DHRS7C: variants seen among roughly 807,000 people sequenced by gnomAD.
DHRS7C encodes the protein dehydrogenase/reductase 7C, also known as dehydrogenase/reductase SDR family member 7C.
DHRS7C carries 28 observed loss-of-function variants against 29.6 expected under a neutral mutation model. The observed-to-expected ratio is 0.95, with a 90% CI of 0.70 to 1.30. The LOEUF (loss-of-function observed/expected upper bound fraction) is 1.30, where lower values mean the gene tolerates loss of function less well. DHRS7C is among the 50% of genes most tolerant of loss of function. The pLI is 0.00. For missense variants in DHRS7C, 403 were observed against 393.3 expected (o/e 1.02, Z -0.21); for synonymous variants, 158 against 160.2 (o/e 0.99, Z 0.10).
At chr17:9,790,673 C>T (rs143871298) in intron 1 of DHRS7C, among the ~76,000 whole-genome samples, 4 of 152,300 alleles carry the variant, frequency 2.6e-5, no homozygotes, top group African/African-American at 9.6e-5. Flanking sequence ...CTCACAATGG[C>T]AGCATGAGGT....
intron 3 of DHRS7C, 23 bp downstream of exon 3, chr17:9,779,802 T>A (rs922807499): frequency 6.2e-7 from 1 of 1,600,770 alleles, no homozygotes. Flanking sequence ...CAGATACCCA[T>A]GGGAAAGTCA....
chr17:9,787,187 C>A (rs910651928), intron 1 of DHRS7C, among the ~76,000 whole-genome samples: 1 of 152,214 alleles, frequency 6.6e-6, no homozygotes, highest in East Asian at 1.9e-4. Flanking sequence ...CTCAGGTCAT[C>A]CCCCTGCTTC....
chr17:9,788,651 C>G (rs1324218417), intron 1 of DHRS7C, among the ~76,000 whole-genome samples: 1 of 152,190 alleles, frequency 6.6e-6, no homozygotes, highest in Non-Finnish European at 1.5e-5. Flanking sequence ...CTTGGTGTGG[C>G]AATCCCTGCT....
chr17:9,788,984 G>A (rs1057452136), intron 1 of DHRS7C, among the ~76,000 whole-genome samples: 5 of 152,178 alleles, frequency 3.3e-5, no homozygotes, highest in African/African-American at 7.2e-5. Context: ...TGCAAAGGCT[G>A]TTTCCCTCAT....
chr17:9,786,693 G>T (rs568756873), intron 1 of DHRS7C, among the ~76,000 whole-genome samples: 1 of 152,282 alleles, frequency 6.6e-6, no homozygotes, highest in East Asian at 1.9e-4. Context: ...CATTTCAGCT[G>T]TCATTCTGGA....
chr17:9,777,792 C>A (rs1013840167), intron 3 of DHRS7C, among the ~76,000 whole-genome samples: 13 of 152,112 alleles, frequency 8.5e-5, no homozygotes, highest in Non-Finnish European at 1.8e-4. Flanking sequence ...GCCTCTCTTG[C>A]ACATGCTAAT....
Position 9,791,136 on chromosome 17 carries a change from C to T in DHRS7C, c.149G>A (p.Gly50Asp). ...VVITDAISGL[G>D]KECARVFHTG... ...TGGGAGCAAAGCCAGCTTACCCTTGCCCAGTCCTGAGATGGCATCGGTGAT... is the reference window on the plus strand; with the variant it reads ...TGGGAGCAAAGCCAGCTTACCCTTGTCCAGTCCTGAGATGGCATCGGTGAT... Residue 50 changes from glycine (G) to aspartate (D), a missense_variant, in exon 1 of 6, where the codon GGC (glycine) becomes GAC (aspartate). Coordinates refer to ENST00000571134, the MANE Select transcript of DHRS7C (RefSeq NM_001105571.3). 6.2e-7 allele frequency: 1 copy of T among 1,612,098 alleles called. No individual in the cohort carries two copies. Among genetic ancestry groups the T allele is most frequent in the Non-Finnish European group, 8.5e-7 (1 of 1,179,052 alleles).
intron 3 of DHRS7C, among the ~76,000 whole-genome samples, chr17:9,778,789 G>A (rs996633765): frequency 6.6e-6 from 1 of 152,196 alleles, no homozygotes; most frequent in Non-Finnish European, 1.5e-5. Flanking sequence ...GAAGGTATTT[G>A]CAAGATCAGG....
intron 3 of DHRS7C, 95 bp from the exon 4 acceptor site, chr17:9,777,380 G>A: frequency 1.1e-6 from 1 of 924,226 alleles, no homozygotes; most frequent in East Asian, 2.6e-5. Context: ...TCATCACAGG[G>A]CTCCGCTACC....
At chr17:9,788,137 G>C (rs935086257) in intron 1 of DHRS7C, among the ~76,000 whole-genome samples, 2 of 152,222 alleles carry the variant, frequency 1.3e-5, no homozygotes, top group African/African-American at 4.8e-5. Flanking sequence ...CTGACATTCA[G>C]CTGTATCCTC....
chr17:9,773,592 A>G (rs1297888333), intron 4 of DHRS7C, among the ~76,000 whole-genome samples: 3 of 152,048 alleles, frequency 2.0e-5, no homozygotes, highest in Non-Finnish European at 4.4e-5. Flanking sequence ...TGTCAGTCAG[A>G]GGCAGAAGGG....
At chr17:9,778,802 A>G (rs2066377196) in intron 3 of DHRS7C, among the ~76,000 whole-genome samples, 1 of 152,228 alleles carries the variant, frequency 6.6e-6, no homozygotes, top group South Asian at 2.1e-4. Flanking sequence ...AGATCAGGCT[A>G]GATCTCAGAC....
Position 9,777,197 on chromosome 17 carries a change from C to T in DHRS7C, c.567G>A (p.Thr189=), listed in dbSNP as rs189185643. 5.7e-3 allele frequency: 9,156 copies of T among 1,612,112 alleles called. 40 individuals are homozygous for T. The highest frequency in any genetic ancestry group is 6.9e-3 in the Non-Finnish European group (8,075 of 1,178,812). The change falls in exon 4 of 6, where the codon ACG becomes ACA. Residue 189 remains threonine (T), a synonymous_variant. Transcript: ENST00000571134. The part of the protein sequence containing the change: ...IQGKFGIPFR[T]TYAASKHAAL... ...ATTTTTATCTTAGCAACTTACAAGT[C>T]GTACGGAACGGGATTCCAAACTTCC...
At chr17:9,777,386 C>T (rs992931042) in intron 3 of DHRS7C, 101 bp from the exon 4 acceptor site, 1 of 836,952 alleles carries the variant, frequency 1.2e-6, no homozygotes. Flanking sequence ...CAGGGCTCCG[C>T]TACCTCCGCG....
chr17:9,787,634 G>A (rs954759829), intron 1 of DHRS7C, among the ~76,000 whole-genome samples: 1 of 152,080 alleles, frequency 6.6e-6, no homozygotes, highest in East Asian at 1.9e-4. Flanking sequence ...CCTTCTTTCT[G>A]TATTTCATCA....
At chr17:9,777,964 A>C (rs1396049496) in intron 3 of DHRS7C, among the ~76,000 whole-genome samples, 3 of 152,232 alleles carry the variant, frequency 2.0e-5, no homozygotes, top group Admixed American at 6.5e-5. Flanking sequence ...TAATTTAAAA[A>C]TGAGAAAATT....
intron 1 of DHRS7C, chr17:9,785,297 C>G (rs1024422073): frequency 6.6e-6 from 1 of 152,238 alleles, no homozygotes; most frequent in Non-Finnish European, 1.5e-5. Flanking sequence ...TCCTTTGCCT[C>G]CATCCCAGAG....
At chr17:9,789,997 T>C (rs8082040) in intron 1 of DHRS7C, among the ~76,000 whole-genome samples, 24,023 of 152,202 alleles carry the variant, frequency 0.16, 2,496 homozygotes, top group Non-Finnish European at 0.24. Flanking sequence ...GCTTTGTTTT[T>C]TATCTTAACA....
intron 1 of DHRS7C, among the ~76,000 whole-genome samples, chr17:9,786,620 G>A (rs1300806002): frequency 1.3e-5 from 2 of 152,058 alleles, no homozygotes; most frequent in Non-Finnish European, 2.9e-5. Context: ...AAATATACAT[G>A]GCTTTTATAA....
Sources: gnomAD v4.1 joint callset for allele counts (sites outside exome capture counted in the v4.1 genomes callset) on GRCh38, gnomAD v4.1.1 for gene constraint, MANE v1.5 for transcripts, NCBI Gene and HGNC (gene_info 2026-07-23, HGNC 2026-07-21) for gene names.